Variants in CC2D2B observed in about 807,000 individuals in gnomAD.
CC2D2B encodes the protein coiled-coil and C2 domain containing 2B, also known as protein CC2D2B.
A neutral mutation model predicts 161.2 loss-of-function variants in CC2D2B; 128 were observed. That is an observed-to-expected ratio of 0.79 (90% CI 0.69 to 0.92). The LOEUF (loss-of-function observed/expected upper bound fraction) is 0.92, where lower values mean the gene tolerates loss of function less well. Ranked by LOEUF, CC2D2B falls within the 40% of genes least tolerant of loss-of-function variation. CC2D2B has a pLI of 0.00. For missense variants in CC2D2B, 1,173 were observed against 1,375.1 expected (o/e 0.85, Z 2.32); for synonymous variants, 391 against 449.8 (o/e 0.87, Z 1.65).
chr10:96,029,065 G>A (rs898250318), intron 34 of CC2D2B, among the ~76,000 whole-genome samples: 1 of 150,740 alleles, frequency 6.6e-6, no homozygotes, highest in African/African-American at 2.4e-5. Context: ...AGCACAACAG[G>A]GTAACTATAG....
chr10:95,917,013 T>C (rs1182108302), intron 2 of CC2D2B, among the ~76,000 whole-genome samples: 1 of 152,196 alleles, frequency 6.6e-6, no homozygotes, highest in Non-Finnish European at 1.5e-5. Context: ...TATTGCTGCA[T>C]TGGTTGTCTA....
chr10:95,984,508 A>T (rs1421556890), intron 19 of CC2D2B: 1 of 152,232 alleles, frequency 6.6e-6, no homozygotes, highest in Non-Finnish European at 1.5e-5. Context: ...AAAATAAAAT[A>T]AATAAAAACA....
At chr10:96,014,519 A>G (rs2141875139) in intron 29 of CC2D2B, among the ~76,000 whole-genome samples, 1 of 152,298 alleles carries the variant, frequency 6.6e-6, no homozygotes, top group African/African-American at 2.4e-5. Context: ...GTTTTACAAG[A>G]AAAGAATTAT....
At chr10:95,987,957 C>A (rs1175167986) in intron 19 of CC2D2B, among the ~76,000 whole-genome samples, 2 of 152,156 alleles carry the variant, frequency 1.3e-5, no homozygotes, top group Non-Finnish European at 2.9e-5. Flanking sequence ...TTTTCTCAAT[C>A]CTCTTCACTT....
At chr10:95,934,833 C>A (rs868321543) in intron 6 of CC2D2B, among the ~76,000 whole-genome samples, 5 of 151,988 alleles carry the variant, frequency 3.3e-5, no homozygotes, top group Non-Finnish European at 7.4e-5. Context: ...GTTCCTATTC[C>A]GCCATCTTGC....
At chr10:95,914,517 A>T (rs2098512330) in intron 2 of CC2D2B, among the ~76,000 whole-genome samples, 1 of 152,122 alleles carries the variant, frequency 6.6e-6, no homozygotes, top group South Asian at 2.1e-4. Context: ...CATAATCCCC[A>T]AGTGTCAATG....
chr10:95,947,114 T>TATA (rs1491386108), intron 9 of CC2D2B, among the ~76,000 whole-genome samples: 891 of 23,456 alleles, frequency 0.038, 19 homozygotes, highest in African/African-American at 0.052. Flanking sequence ...TATATATATA[T>TATA]TTTTTTTTTT....
intron 32 of CC2D2B, among the ~76,000 whole-genome samples, chr10:96,024,109 G>A (rs1290195012): frequency 6.6e-6 from 1 of 152,228 alleles, no homozygotes; most frequent in Non-Finnish European, 1.5e-5. Flanking sequence ...TGAGGGTTGG[G>A]TTGGCAAGGA....
chr10:95,927,438 T>C (rs1003958384), intron 6 of CC2D2B, 106 bp downstream of exon 6: 2 of 654,788 alleles, frequency 3.1e-6, no homozygotes, highest in African/African-American at 3.7e-5. Context: ...GTTTTATTAT[T>C]GTGCCTTCAT....
At chr10:95,921,195 T>G (rs2098526499) in intron 2 of CC2D2B, 1 of 152,402 alleles carries the variant, frequency 6.6e-6, no homozygotes, top group Admixed American at 6.5e-5. Flanking sequence ...TTCTGACTGC[T>G]GGGATGGACA....
chr10:95,909,606 C>A (rs187231765), intron 1 of CC2D2B, among the ~76,000 whole-genome samples: 1 of 152,198 alleles, frequency 6.6e-6, no homozygotes, highest in East Asian at 1.9e-4. Flanking sequence ...TAACAAGAGC[C>A]AGGGGAAGAT....
intron 29 of CC2D2B, among the ~76,000 whole-genome samples, chr10:96,014,617 G>A (rs756196723): frequency 1.2e-4 from 18 of 152,248 alleles, no homozygotes; most frequent in African/African-American, 2.9e-4. Flanking sequence ...GTAGATGTGC[G>A]ACCTAAGATA....
At chr10:95,982,318 C>T (rs74316864) in intron 18 of CC2D2B, among the ~76,000 whole-genome samples, 1,679 of 152,262 alleles carry the variant, frequency 0.011, 31 homozygotes, top group African/African-American at 0.037. Context: ...ATAATTCCTC[C>T]TTTAGGCCTG....
intron 22 of CC2D2B, among the ~76,000 whole-genome samples, chr10:95,993,899 AATGT>A (rs1265525126): frequency 3.8e-4 from 21 of 55,462 alleles, no homozygotes; most frequent in East Asian, 5.2e-4. Flanking sequence ...AGAGAGAGAG[AATGT>A]GTGTGTGTGT....
intron 24 of CC2D2B, chr10:95,999,840 G>A: frequency 2.1e-6 from 1 of 481,052 alleles, no homozygotes; most frequent in Non-Finnish European, 4.1e-6. Flanking sequence ...GTCTCACAAA[G>A]GGTGCTTCTC....
intron 33 of CC2D2B, among the ~76,000 whole-genome samples, chr10:96,025,184 TAAA>T (rs1279667652): frequency 6.8e-4 from 14 of 20,634 alleles, no homozygotes; most frequent in African/African-American, 2.2e-3. Context: ...TATATATATA[TAAA>T]AAAAAATATA....
intron 34 of CC2D2B, among the ~76,000 whole-genome samples, chr10:96,029,290 A>ATATATATATATATATG (rs2079956349): frequency 2.2e-5 from 2 of 92,056 alleles, no homozygotes; most frequent in Non-Finnish European, 4.4e-5. Context: ...ATATATGTAT[A>ATATATATATATATATG]TATATATATA....
At chr10:96,004,587 A>T (rs1488657887) in intron 25 of CC2D2B, among the ~76,000 whole-genome samples, 2 of 152,222 alleles carry the variant, frequency 1.3e-5, no homozygotes, top group African/African-American at 4.8e-5. Context: ...TTATTATCTG[A>T]TCAAAGAAAA....
intron 24 of CC2D2B, among the ~76,000 whole-genome samples, chr10:96,003,505 G>A (rs897401366): frequency 5.3e-5 from 8 of 151,526 alleles, no homozygotes; most frequent in South Asian, 2.1e-4. Flanking sequence ...TGCAACCTCC[G>A]CCTCCCGGGT....
Sources: allele counts gnomAD v4.1 joint callset (sites outside exome capture counted in the v4.1 genomes callset), GRCh38; gene constraint gnomAD v4.1.1; transcripts MANE v1.5; gene names NCBI Gene and HGNC (gene_info 2026-07-23, HGNC 2026-07-21).